The following FBXL13 variants were observed in gnomAD, a reference collection of about 807,000 sequenced individuals.
FBXL13 encodes the protein F-box and leucine-rich repeat protein 13.
FBXL13 carries 67 observed loss-of-function variants against 83.6 expected under a neutral mutation model. That is an observed-to-expected ratio of 0.80 (90% CI 0.66 to 0.98). The LOEUF (loss-of-function observed/expected upper bound fraction) is 0.98, where lower values mean the gene tolerates loss of function less well. Ranked by LOEUF, FBXL13 falls within the 50% of genes least tolerant of loss-of-function variation. The pLI, the probability that FBXL13 is intolerant of heterozygous loss-of-function variation, is 0.00. For missense variants in FBXL13, 822 were observed against 866.5 expected, an observed-to-expected ratio of 0.95 and a Z score of 0.64; for synonymous variants, 272 against 299.5, an observed-to-expected ratio of 0.91 and a Z score of 0.95.
intron 1 of FBXL13, among the ~76,000 whole-genome samples, chr7:103,062,778 A>G (rs1184126916): frequency 1.3e-5 from 2 of 152,348 alleles, no homozygotes; most frequent in Admixed American, 6.5e-5. Flanking sequence ...GGTATTATCA[A>G]TGTATAATCT....
intron 2 of FBXL13, among the ~76,000 whole-genome samples, chr7:103,041,146 A>G (rs1249420560): frequency 3.3e-5 from 5 of 152,056 alleles, no homozygotes; most frequent in Admixed American, 2.0e-4. Context: ...AAGGGGTTAT[A>G]ACCACCGATC....
intron 6 of FBXL13, among the ~76,000 whole-genome samples, chr7:103,012,829 C>A (rs1791802247): frequency 6.6e-6 from 1 of 152,186 alleles, no homozygotes; most frequent in African/African-American, 2.4e-5. Context: ...TGTAAATGGG[C>A]TAAATGCCCC....
chr7:102,967,892 A>C, intron 7 of FBXL13, 130 bp downstream of exon 8: 1 of 571,670 alleles, frequency 1.7e-6, no homozygotes, highest in Non-Finnish European at 3.0e-6. Context: ...GGACAAAAGA[A>C]AACCAAATTC....
rs146640412 is a variant in FBXL13, at chr7:103,000,736, A to G, written c.495+24327T>C. Among the ~76,000 whole-genome samples the G allele has an allele frequency of 1.4e-4, 21 of 152,290 alleles. 1 individual carries two copies. In the East Asian group the frequency reaches 4.0e-3, roughly 29 times the overall value. On this transcript the variant is annotated intron_variant, in intron 6 of 19. Coordinates refer to ENST00000313221, the Ensembl canonical transcript of FBXL13. ...GCAATCTAGCTCTCCCTTTAGATCT[A>G]TTAATGTTTGCTTTACATATCTGAA...
intron 2 of FBXL13, among the ~76,000 whole-genome samples, chr7:103,039,486 A>G (rs961804251): frequency 6.6e-6 from 1 of 152,212 alleles, no homozygotes; most frequent in Admixed American, 6.5e-5. Context: ...CAACACAAAG[A>G]TACGCCTTGA....
intron 6 of FBXL13, among the ~76,000 whole-genome samples, chr7:103,015,387 G>C (rs1408460475): frequency 6.6e-6 from 1 of 152,184 alleles, no homozygotes; most frequent in Non-Finnish European, 1.5e-5. Flanking sequence ...CAAAGGAAGA[G>C]AGAAAGTCAA....
chr7:103,013,628 C>G (rs1044577094), intron 6 of FBXL13, among the ~76,000 whole-genome samples: 36 of 152,006 alleles, frequency 2.4e-4, no homozygotes, highest in African/African-American at 7.5e-4. Context: ...GGGACACGGC[C>G]AAAGCACTGT....
At chr7:103,044,547 T>C (rs990667062) in intron 2 of FBXL13, among the ~76,000 whole-genome samples, 6 of 152,212 alleles carry the variant, frequency 3.9e-5, no homozygotes, top group Non-Finnish European at 8.8e-5. Flanking sequence ...GGGATTTGCT[T>C]TCTAATACTC....
rs1563164434 is a variant in FBXL13 at position 102,968,017 on chromosome 7, C to T, written c.591+5G>A. 1.9e-6 allele frequency: 3 copies of T among 1,607,528 alleles called. No individual in the cohort carries two copies. The highest frequency in any genetic ancestry group is 2.6e-6 in the Non-Finnish European group (3 of 1,174,152). ...AAAGACATAGTTCAGTTAGTATCTA[C>T]TTACAGCATTCCACAGTGAGTTTAG... On this transcript the variant is annotated splice_donor_5th_base_variant and intron_variant, in intron 7 of 19. Transcript: ENST00000313221.
intron 10 of FBXL13, among the ~76,000 whole-genome samples, chr7:102,924,398 T>G (rs1366103704): frequency 1.3e-5 from 2 of 152,042 alleles, no homozygotes; most frequent in African/African-American, 4.8e-5. Flanking sequence ...TAAGTAAAAA[T>G]ACATGAACAC....
intron 11 of FBXL13, among the ~76,000 whole-genome samples, chr7:102,905,544 A>G (rs533019964): frequency 6.6e-5 from 10 of 152,148 alleles, no homozygotes; most frequent in East Asian, 3.9e-4. Flanking sequence ...AGATCAATGT[A>G]TCTTGTTTTT....
chr7:103,051,480 C>T (rs1040569884), intron 2 of FBXL13, among the ~76,000 whole-genome samples: 1 of 152,166 alleles, frequency 6.6e-6, no homozygotes, highest in African/African-American at 2.4e-5. Flanking sequence ...AGAGCTTACC[C>T]ACGATCCCCA....
chr7:103,055,057 T>C, intron 2 of FBXL13, 31 bp downstream of exon 3: 1 of 1,162,872 alleles, frequency 8.6e-7, no homozygotes, highest in South Asian at 1.3e-5. Flanking sequence ...TTAAAATATA[T>C]ATTTGCGTAT....
chr7:102,896,598 T>C (rs977110724), intron 11 of FBXL13, among the ~76,000 whole-genome samples: 1 of 152,182 alleles, frequency 6.6e-6, no homozygotes, highest in Middle Eastern at 3.2e-3. Flanking sequence ...ATCAAGGTGT[T>C]GGCAAAGTTG....
intron 6 of FBXL13, chr7:102,976,242 T>C: frequency 2.8e-6 from 2 of 725,254 alleles, no homozygotes; most frequent in Non-Finnish European, 5.1e-6. Flanking sequence ...TAGGCCAGTA[T>C]GTTTTTAAAA....
chr7:102,825,121 C>G (rs1224792873), intron 18 of FBXL13, among the ~76,000 whole-genome samples: 2 of 152,114 alleles, frequency 1.3e-5, no homozygotes, highest in Non-Finnish European at 2.9e-5. Context: ...TAAATACAGT[C>G]TTTTCCAAGT....
At chr7:102,994,143 T>C (rs958453843) in intron 6 of FBXL13, among the ~76,000 whole-genome samples, 1 of 152,188 alleles carries the variant, frequency 6.6e-6, no homozygotes, top group African/African-American at 2.4e-5. Context: ...ATATTAGTCT[T>C]AGAATAATTA....
At chr7:102,845,857 G>C (rs140489006) in intron 17 of FBXL13, among the ~76,000 whole-genome samples, 7 of 152,096 alleles carry the variant, frequency 4.6e-5, no homozygotes, top group African/African-American at 1.7e-4. Context: ...TCCCATGCTG[G>C]ATTAGGTACC....
intron 6 of FBXL13, among the ~76,000 whole-genome samples, chr7:102,997,007 T>C (rs1789870340): frequency 6.6e-6 from 1 of 152,208 alleles, no homozygotes; most frequent in African/African-American, 2.4e-5. Flanking sequence ...TGAGAATTAC[T>C]AGACCGAGAG....
Sources: allele counts gnomAD v4.1 joint callset (sites outside exome capture counted in the v4.1 genomes callset), GRCh38; gene constraint gnomAD v4.1.1; transcripts MANE v1.5; gene names NCBI Gene and HGNC (gene_info 2026-07-23, HGNC 2026-07-21).